The following CCDC141 variants were observed in gnomAD, a reference collection of about 807,000 sequenced individuals.
The protein encoded by CCDC141 is coiled-coil domain containing 141, also known as coiled-coil domain-containing protein 141.
A neutral mutation model predicts 181.0 loss-of-function variants in CCDC141; 168 were observed. The ratio of observed to expected loss-of-function variants is 0.93; its 90% confidence interval spans 0.82 to 1.05. CCDC141 has a LOEUF of 1.05. Ranked by LOEUF, CCDC141 falls within the 50% of genes least tolerant of loss-of-function variation. CCDC141 has a pLI of 0.00. For synonymous variants in CCDC141, 666 were observed against 642.3 expected (o/e 1.04, Z -0.56); for missense variants, 1,902 against 1,788.5 (o/e 1.06, Z -1.14).
intron 5 of CCDC141, among the ~76,000 whole-genome samples, chr2:178,950,137 AT>A (rs1164390362): frequency 2.0e-5 from 3 of 152,346 alleles, no homozygotes; most frequent in African/African-American, 7.2e-5. Context: ...ACCAGGTTCT[AT>A]TAAGTACAAA....
chr2:178,875,754 C>T (rs1467835702), intron 12 of CCDC141: 3 of 151,898 alleles, frequency 2.0e-5, no homozygotes, highest in Admixed American at 6.6e-5. Flanking sequence ...CTGTAGATTC[C>T]AGAACTAAAA....
intron 10 of CCDC141, among the ~76,000 whole-genome samples, chr2:178,885,524 AG>A (rs1365052492): frequency 6.6e-6 from 1 of 152,242 alleles, no homozygotes; most frequent in Non-Finnish European, 1.5e-5. Flanking sequence ...ATTTACAAAA[AG>A]ATGACCTATC....
At chr2:178,860,620 T>C (rs949977626) in intron 17 of CCDC141, among the ~76,000 whole-genome samples, 18 of 130,342 alleles carry the variant, frequency 1.4e-4, no homozygotes, top group African/African-American at 4.6e-4. Flanking sequence ...CTTGAACTCC[T>C]GGGCTCCAGC....
chr2:178,866,147 G>A (rs974789066), intron 16 of CCDC141, among the ~76,000 whole-genome samples: 6 of 152,124 alleles, frequency 3.9e-5, no homozygotes, highest in Non-Finnish European at 7.4e-5. Flanking sequence ...TTGAAGATTC[G>A]CTCATCACAC....
intron 4 of CCDC141, among the ~76,000 whole-genome samples, chr2:178,967,466 C>T (rs904861554): frequency 1.3e-5 from 2 of 152,140 alleles, no homozygotes; most frequent in African/African-American, 2.4e-5. Context: ...ATTTTCAGCC[C>T]AGAATTTCAT....
intron 2 of CCDC141, among the ~76,000 whole-genome samples, chr2:179,008,836 C>T (rs980705993): frequency 6.6e-6 from 1 of 152,156 alleles, no homozygotes; most frequent in Admixed American, 6.5e-5. Flanking sequence ...TAGATGTTCT[C>T]TCTATAAAGT....
At chr2:178,858,706 G>C (rs779406458) in intron 17 of CCDC141, among the ~76,000 whole-genome samples, 12 of 151,752 alleles carry the variant, frequency 7.9e-5, no homozygotes, top group Non-Finnish European at 1.2e-4. Context: ...TTATCCATTG[G>C]AAAATAAACT....
At chr2:178,995,385 A>G (rs991775535) in intron 2 of CCDC141, among the ~76,000 whole-genome samples, 33 of 152,282 alleles carry the variant, frequency 2.2e-4, no homozygotes, top group Middle Eastern at 3.4e-3. Flanking sequence ...ATTCACTATC[A>G]TGAGAACAGC....
intron 20 of CCDC141, among the ~76,000 whole-genome samples, chr2:178,851,092 G>T (rs1231492912): frequency 3.3e-5 from 5 of 151,766 alleles, no homozygotes; most frequent in Non-Finnish European, 4.4e-5. Flanking sequence ...TGTGATCTCA[G>T]CTACTCGGGA....
chr2:178,999,459 A>G (rs575269160), intron 2 of CCDC141, among the ~76,000 whole-genome samples: 7 of 152,208 alleles, frequency 4.6e-5, no homozygotes, highest in African/African-American at 1.4e-4. Flanking sequence ...GTTCACCCTC[A>G]CCCAATCCAT....
the CCDC141 span, among the ~76,000 whole-genome samples, chr2:178,815,579 C>T: frequency 6.6e-6 from 1 of 152,106 alleles, no homozygotes; most frequent in Non-Finnish European, 1.5e-5. Context: ...CCTTCAGTAT[C>T]CTTGTGGGAT....
chr2:178,854,514 A>G (rs1423979339), intron 19 of CCDC141, among the ~76,000 whole-genome samples: 1 of 152,148 alleles, frequency 6.6e-6, no homozygotes, highest in Non-Finnish European at 1.5e-5. Flanking sequence ...ACAGAGCGAC[A>G]CTCCATCTCA....
intron 6 of CCDC141, among the ~76,000 whole-genome samples, chr2:178,923,919 C>G (rs1318406387): frequency 3.9e-5 from 6 of 152,148 alleles, no homozygotes; most frequent in South Asian, 2.1e-4. Flanking sequence ...TCCTTCCCCC[C>G]ACTGCTAGTC....
chr2:178,823,793 A>T, the CCDC141 span, among the ~76,000 whole-genome samples: 1 of 152,206 alleles, frequency 6.6e-6, no homozygotes, highest in Admixed American at 6.5e-5. Flanking sequence ...GCTATCTGGA[A>T]ATCTTGTTTG....
intron 21 of CCDC141, among the ~76,000 whole-genome samples, chr2:178,848,136 G>A (rs578254478): frequency 2.6e-5 from 4 of 152,346 alleles, no homozygotes; most frequent in African/African-American, 9.6e-5. Context: ...TTATGGAGGA[G>A]GCAGCATTTG....
rs1250895265 is a variant in CCDC141, at chr2:178,975,105, C to T, written c.478G>A (p.Ala160Thr). 6.5e-7 allele frequency: 1 copy of T among 1,530,908 alleles called. No homozygotes were observed. The highest frequency in any genetic ancestry group is 8.8e-7 in the Non-Finnish European group (1 of 1,132,384). The allele number at this position is 1,530,908 out of a possible 1,614,324, so 94.8% of individuals were successfully genotyped here. A position where few individuals can be genotyped will look rare whatever the true frequency, so the allele number is the denominator to read the frequency against. ...TGAAGAAGTGATTTTAAGGACTCAG[C>T]ACTCTCAAACTCATGAGTATTCTGG... ...FLQNTHEFES[A>T]ESLKSLLQLH... The change falls in exon 4 of 24, where the codon GCT (alanine) becomes ACT (threonine). Residue 160 changes from alanine (A) to threonine (T), a missense_variant. Coordinates refer to ENST00000443758, the MANE Select transcript of CCDC141 (RefSeq NM_173648.4).
At chr2:178,903,589 C>A (rs1687811786) in intron 8 of CCDC141, among the ~76,000 whole-genome samples, 1 of 119,084 alleles carries the variant, frequency 8.4e-6, no homozygotes. Flanking sequence ...GGGAACATCA[C>A]ACTCTGGGGA....
chr2:179,045,791 T>C (rs1193474207), intron 2 of CCDC141, among the ~76,000 whole-genome samples: 7 of 152,176 alleles, frequency 4.6e-5, no homozygotes, highest in African/African-American at 4.8e-5. Context: ...AACAGACACT[T>C]CTCAAAAGAA....
chr2:178,982,211 T>A (rs150606370), intron 2 of CCDC141, among the ~76,000 whole-genome samples: 711 of 152,224 alleles, frequency 4.7e-3, no homozygotes, highest in African/African-American at 0.016. Context: ...TTCTACCAAA[T>A]GTTTAAAGAA....
Sources: allele counts gnomAD v4.1 joint callset (sites outside exome capture counted in the v4.1 genomes callset), GRCh38; gene constraint gnomAD v4.1.1; transcripts MANE v1.5; gene names NCBI Gene and HGNC (gene_info 2026-07-23, HGNC 2026-07-21).